The following HS2ST1 variants were observed in gnomAD, a reference collection of about 807,000 sequenced individuals.
HS2ST1 encodes the protein heparan sulfate 2-O-sulfotransferase 1.
A neutral mutation model predicts 42.9 loss-of-function variants in HS2ST1; 18 were observed. The ratio of observed to expected loss-of-function variants is 0.42; its 90% confidence interval spans 0.29 to 0.62. The LOEUF is 0.62. Ranked by LOEUF, HS2ST1 falls within the 20% of genes least tolerant of loss-of-function variation. The pLI is 0.21. For missense variants in HS2ST1, 334 were observed against 433.8 expected (o/e 0.77, Z 2.04); for synonymous variants, 146 against 152.9 (o/e 0.95, Z 0.33).
At chr1:87,071,729 G>GAA (rs537202045) in intron 1 of HS2ST1, among the ~76,000 whole-genome samples, 93 of 107,896 alleles carry the variant, frequency 8.6e-4, no homozygotes, top group African/African-American at 2.5e-3. Flanking sequence ...CTCTGTCTCC[G>GAA]AAAAAAAAAA....
chr1:87,037,523 T>G (rs1650410111), intron 1 of HS2ST1, among the ~76,000 whole-genome samples: 1 of 151,802 alleles, frequency 6.6e-6, no homozygotes, highest in African/African-American at 2.4e-5. Flanking sequence ...TTAATATTTT[T>G]GCATATTTAG....
intron 5 of HS2ST1, chr1:87,098,176 T>C (rs1652114985): frequency 3.6e-6 from 4 of 1,123,108 alleles, no homozygotes; most frequent in Non-Finnish European, 4.4e-6. Context: ...GTATTTCTTA[T>C]TTTTGGTGTT....
At chr1:87,037,728 T>A (rs947680077) in intron 1 of HS2ST1, among the ~76,000 whole-genome samples, 1 of 151,950 alleles carries the variant, frequency 6.6e-6, no homozygotes, top group African/African-American at 2.4e-5. Flanking sequence ...CATACATTTT[T>A]AAATTTTTTA....
chr1:87,067,936 T>C (rs1207336778), intron 1 of HS2ST1, among the ~76,000 whole-genome samples: 2 of 152,242 alleles, frequency 1.3e-5, no homozygotes, highest in Non-Finnish European at 2.9e-5. Context: ...TATTTATGTT[T>C]TGATACCAGT....
chr1:87,039,762 A>T (rs1650473247), intron 1 of HS2ST1, among the ~76,000 whole-genome samples: 1 of 152,124 alleles, frequency 6.6e-6, no homozygotes, highest in Non-Finnish European at 1.5e-5. Context: ...TTAAAGTTTG[A>T]CCAATAGTAA....
intron 1 of HS2ST1, among the ~76,000 whole-genome samples, chr1:86,983,933 G>A (rs1357495571): frequency 6.6e-6 from 1 of 152,034 alleles, no homozygotes; most frequent in Non-Finnish European, 1.5e-5. Context: ...CCAGCTACTT[G>A]GGATGCTGAG....
chr1:86,930,725 A>T (rs1053642454), intron 1 of HS2ST1, among the ~76,000 whole-genome samples: 4 of 152,004 alleles, frequency 2.6e-5, no homozygotes, highest in Admixed American at 2.6e-4. Flanking sequence ...GAAAACTTTG[A>T]ATTTCCCACA....
At chr1:86,935,306 G>A (rs963128579) in intron 1 of HS2ST1, among the ~76,000 whole-genome samples, 1 of 151,594 alleles carries the variant, frequency 6.6e-6, no homozygotes, top group Admixed American at 6.6e-5. Context: ...TTAAAAAAAA[G>A]AAGTAGAATT....
chr1:87,045,648 T>G, intron 1 of HS2ST1: 3 of 773,998 alleles, frequency 3.9e-6, no homozygotes, highest in Non-Finnish European at 4.8e-6. Context: ...CTTCAATCTT[T>G]CCAATACTGT....
chr1:86,969,107 T>G (rs535590573), intron 1 of HS2ST1, among the ~76,000 whole-genome samples: 49 of 152,356 alleles, frequency 3.2e-4, no homozygotes, highest in African/African-American at 1.2e-3. Flanking sequence ...CTTTTCATAC[T>G]TAATACTTTA....
At chr1:87,014,451 T>C (rs1036680051) in intron 1 of HS2ST1, among the ~76,000 whole-genome samples, 1 of 152,128 alleles carries the variant, frequency 6.6e-6, no homozygotes, top group African/African-American at 2.4e-5. Context: ...CCATGACACA[T>C]GGGAATTATG....
chr1:87,007,163 A>G (rs1208403884), intron 1 of HS2ST1, among the ~76,000 whole-genome samples: 1 of 152,126 alleles, frequency 6.6e-6, no homozygotes, highest in Admixed American at 6.6e-5. Flanking sequence ...AATGAAAATC[A>G]TTTAGAAACT....
Position 87,013,637 on chromosome 1 carries a change from C to G in HS2ST1, c.125-59297C>G, listed in dbSNP as rs369186276. ...AAATTTCTACAGCTGGCTTGAATTT[C>G]TCCTCAGGAAATGGGTTTTTCTTTT... On this transcript the variant is annotated intron_variant, in intron 1 of 6. Coordinates refer to ENST00000370550, the MANE Select transcript of HS2ST1 (RefSeq NM_012262.4). 7.2e-5 allele frequency among the ~76,000 whole-genome samples: 11 copies of G among 152,328 alleles called. No homozygotes were observed. In the East Asian group the frequency reaches 2.1e-3, roughly 29 times the overall value.
At chr1:86,923,468 C>T (rs1350096102) in intron 1 of HS2ST1, among the ~76,000 whole-genome samples, 5 of 151,390 alleles carry the variant, frequency 3.3e-5, no homozygotes, top group African/African-American at 1.2e-4. Flanking sequence ...GCAATCTCGG[C>T]TCACTGCAAG....
Position 87,010,879 on chromosome 1 carries a change from G to A in HS2ST1, c.125-62055G>A, listed in dbSNP as rs189782868. 3.8e-3 allele frequency among the ~76,000 whole-genome samples: 582 copies of A among 152,100 alleles called. 2 individuals are homozygous for A. Among genetic ancestry groups the A allele is most frequent in the Non-Finnish European group, 5.9e-3 (401 of 67,982 alleles). On this transcript the variant is annotated intron_variant, in intron 1 of 6. Transcript: ENST00000370550. ...CGGCTCACTGCAGCTTCCACTTCCC[G>A]GGTTCAAGCGATTCTCCTGCCTCAG...
chr1:87,019,578 A>T lies in HS2ST1; in HGVS notation c.125-53356A>T, dbSNP rs190412307. Among the ~76,000 whole-genome samples the T allele has an allele frequency of 9.2e-5, 14 of 152,248 alleles. No homozygotes were observed. In the East Asian group the frequency reaches 2.7e-3, roughly 29 times the overall value. ...CATTAGCATCACTTTAGCTTACTGG[A>T]TAGTATTTTGTTTTTAGTTGGTTGC... is the stretch of plus-strand genomic sequence containing the variant. On this transcript the variant is annotated intron_variant, in intron 1 of 6. Coordinates refer to ENST00000370550, the MANE Select transcript of HS2ST1 (RefSeq NM_012262.4).
At chr1:87,075,133 G>A (rs1400342562) in intron 2 of HS2ST1, among the ~76,000 whole-genome samples, 3 of 98,364 alleles carry the variant, frequency 3.0e-5, no homozygotes, top group Non-Finnish European at 6.5e-5. Context: ...ATCATATTTT[G>A]TTGTCTCTGT....
At chr1:86,927,524 A>C (rs1378743218) in intron 1 of HS2ST1, among the ~76,000 whole-genome samples, 2 of 152,206 alleles carry the variant, frequency 1.3e-5, no homozygotes, top group South Asian at 4.1e-4. Context: ...ACAAGTTAGG[A>C]ATAATCCATT....
chr1:86,922,620 A>AT (rs1660323998), intron 1 of HS2ST1, among the ~76,000 whole-genome samples: 1 of 151,932 alleles, frequency 6.6e-6, no homozygotes, highest in African/African-American at 2.4e-5. Context: ...CTAAGCTGAC[A>AT]TTTTTGTTGT....
Sources: allele counts gnomAD v4.1 joint callset (sites outside exome capture counted in the v4.1 genomes callset), GRCh38; gene constraint gnomAD v4.1.1; transcripts MANE v1.5; gene names NCBI Gene and HGNC (gene_info 2026-07-23, HGNC 2026-07-21).